DCBLD2: variants seen among roughly 807,000 people sequenced by gnomAD.
DCBLD2 encodes discoidin, CUB and LCCL domain containing 2, also known as discoidin, CUB and LCCL domain-containing protein 2.
In DCBLD2, 54 loss-of-function variants were observed where a neutral mutation model predicts 86.8. The observed-to-expected ratio is 0.62, with a 90% CI of 0.50 to 0.78. The LOEUF (loss-of-function observed/expected upper bound fraction) is 0.78, where lower values mean the gene tolerates loss of function less well. DCBLD2 is among the 30% of genes least tolerant of loss of function. The pLI is 0.00. For synonymous variants in DCBLD2, 354 were observed against 341.3 expected (o/e 1.04, Z -0.41); for missense variants, 908 against 954.2 (o/e 0.95, Z 0.64).
intron 9 of DCBLD2, among the ~76,000 whole-genome samples, chr3:98,816,806 G>C (rs116015920): frequency 0.031 from 4,669 of 152,138 alleles, 214 homozygotes; most frequent in African/African-American, 0.11. Context: ...CTTTGAGACA[G>C]AGTCTCCCTC....
intron 3 of DCBLD2, among the ~76,000 whole-genome samples, chr3:98,845,294 A>G (rs1290975422): frequency 1.3e-5 from 2 of 152,226 alleles, no homozygotes; most frequent in Non-Finnish European, 2.9e-5. Flanking sequence ...CCAGGTAGAG[A>G]GCCCAAGATA....
chr3:98,815,639 G>C (rs1303018426), intron 9 of DCBLD2: 1 of 152,080 alleles, frequency 6.6e-6, no homozygotes, highest in Non-Finnish European at 1.5e-5. Context: ...TATTAAAAGA[G>C]CTATTATATA....
chr3:98,895,927 G>C (rs1321600548), intron 1 of DCBLD2, among the ~76,000 whole-genome samples: 1 of 152,142 alleles, frequency 6.6e-6, no homozygotes, highest in Non-Finnish European at 1.5e-5. Flanking sequence ...AGTTCTTAAT[G>C]AGAGAATGAT....
chr3:98,815,837 C>G (rs1942010518), intron 9 of DCBLD2: 1 of 151,200 alleles, frequency 6.6e-6, no homozygotes, highest in African/African-American at 2.4e-5. Context: ...AAACAGAAAA[C>G]TTTCAAACTA....
chr3:98,838,850 GC>G (rs1212330426), intron 3 of DCBLD2, among the ~76,000 whole-genome samples: 1 of 152,192 alleles, frequency 6.6e-6, no homozygotes, highest in Non-Finnish European at 1.5e-5. Context: ...CTGGAGACCG[GC>G]CCGGCCAACA....
chr3:98,808,995 C>T (rs1055504123), intron 12 of DCBLD2, among the ~76,000 whole-genome samples: 3 of 152,004 alleles, frequency 2.0e-5, no homozygotes, highest in East Asian at 1.9e-4. Context: ...ATTGAAATGA[C>T]GTTACATCAT....
chr3:98,820,127 T>C (rs928201913), intron 7 of DCBLD2, 121 bp downstream of exon 7: 28 of 511,232 alleles, frequency 5.5e-5, no homozygotes, highest in Non-Finnish European at 7.8e-5. Context: ...CTATCTTACC[T>C]CATAGTGTTA....
At chr3:98,869,717 T>C (rs1450010961) in intron 2 of DCBLD2, among the ~76,000 whole-genome samples, 1 of 152,242 alleles carries the variant, frequency 6.6e-6, no homozygotes, top group Non-Finnish European at 1.5e-5. Context: ...TGGAGTTATT[T>C]CTAAACAGAA....
intron 3 of DCBLD2, among the ~76,000 whole-genome samples, chr3:98,845,207 T>C (rs1233271328): frequency 1.3e-5 from 2 of 152,026 alleles, no homozygotes; most frequent in African/African-American, 4.8e-5. Flanking sequence ...TGCTCAAAGA[T>C]CATTAAAAAT....
chr3:98,819,523 C>T (rs1942081264), intron 7 of DCBLD2, 106 bp from the exon 8 acceptor site: 2 of 1,121,784 alleles, frequency 1.8e-6, no homozygotes, highest in Non-Finnish European at 1.3e-6. Flanking sequence ...ACATACACTA[C>T]ACTAATAATA....
intron 2 of DCBLD2, among the ~76,000 whole-genome samples, chr3:98,866,413 G>C (rs202127981): frequency 0.17 from 25,215 of 152,158 alleles, 2,181 homozygotes; most frequent in African/African-American, 0.22. Context: ...TAACTGGTGT[G>C]AGATGGTATC....
At chr3:98,840,946 A>T (rs1942609606) in intron 3 of DCBLD2, among the ~76,000 whole-genome samples, 1 of 152,282 alleles carries the variant, frequency 6.6e-6, no homozygotes, top group African/African-American at 2.4e-5. Context: ...CGATGGCAGT[A>T]GTAAACAGAA....
chr3:98,812,655 G>C (rs1045214249), intron 9 of DCBLD2, 173 bp from the exon 10 acceptor site: 5 of 501,988 alleles, frequency 1.0e-5, no homozygotes, highest in Non-Finnish European at 1.7e-5. Context: ...ATATTAAGAT[G>C]CTGCACATTT....
intron 1 of DCBLD2, among the ~76,000 whole-genome samples, chr3:98,891,563 T>G (rs1276520970): frequency 6.6e-6 from 1 of 152,066 alleles, no homozygotes; most frequent in Non-Finnish European, 1.5e-5. Context: ...GGTCCCTTAT[T>G]TAGAAATCCT....
chr3:98,888,510 A>G (rs1943598762), intron 1 of DCBLD2, among the ~76,000 whole-genome samples: 1 of 152,046 alleles, frequency 6.6e-6, no homozygotes, highest in African/African-American at 2.4e-5. Flanking sequence ...AAATGGGAAT[A>G]TTAACAATTC....
chr3:98,846,752 A>T (rs1942732184), intron 3 of DCBLD2, among the ~76,000 whole-genome samples: 1 of 152,218 alleles, frequency 6.6e-6, no homozygotes, highest in Admixed American at 6.5e-5. Flanking sequence ...CAGGTTTGTA[A>T]GCTACACAAC....
At position 98,801,124 on chromosome 3, in the gene DCBLD2, T is replaced by C. The variant is rs564588936; in HGVS notation, c.1721-408A>G. Among the ~76,000 whole-genome samples the C allele has an allele frequency of 3.3e-5, 5 of 152,294 alleles. No homozygotes were observed. The East Asian group carries it at 9.7e-4, about 29-fold the overall frequency. The stretch of plus-strand genomic sequence containing the variant: ...GTAGTGAGACTGGGAAGTGAGAAAC[T>C]GGTAGGGGGGCCCCTTTGGTGTCAC... On this transcript the variant is annotated intron_variant, in intron 14 of 15. Transcript: ENST00000326840.
At chr3:98,893,866 C>T (rs560911523) in intron 1 of DCBLD2, among the ~76,000 whole-genome samples, 4 of 152,284 alleles carry the variant, frequency 2.6e-5, no homozygotes, top group East Asian at 3.9e-4. Context: ...GGCAGGAGTT[C>T]GGCTGTACAA....
rs1241590624 is a variant in DCBLD2 at position 98,817,964 on chromosome 3, T to C, written c.1088-71A>G. The C allele has an allele frequency of 2.6e-6, 4 of 1,563,326 alleles. No individual in the cohort carries two copies. In the African/African-American group the frequency reaches 4.1e-5, roughly 16 times the overall value. ...CCTAAGTTTGTTCAGCATCAAAGTA[T>C]AAACACTTGAAATGCACAGCTCGAA... On this transcript the variant is annotated intron_variant, in intron 8 of 15. Transcript: ENST00000326840.
Sources: gnomAD v4.1 joint callset for allele counts (sites outside exome capture counted in the v4.1 genomes callset) on GRCh38, gnomAD v4.1.1 for gene constraint, MANE v1.5 for transcripts, NCBI Gene and HGNC (gene_info 2026-07-23, HGNC 2026-07-21) for gene names.